Variants in RANBP2 observed in about 807,000 individuals in gnomAD.
The protein encoded by RANBP2 is E3 SUMO-protein ligase RanBP2.
In RANBP2, 57 loss-of-function variants were observed where a neutral mutation model predicts 303.6. The observed-to-expected ratio is 0.19, with a 90% CI of 0.15 to 0.23. The LOEUF is 0.23. Ranked by LOEUF, RANBP2 falls within the 10% of genes least tolerant of loss-of-function variation. The probability of loss-of-function intolerance (pLI) is 1.00; values close to 1 mark genes in which losing one functional copy is unlikely to be tolerated. For synonymous variants in RANBP2, 1,167 were observed against 1,301.5 expected, an observed-to-expected ratio of 0.90 and a Z score of 2.23; for missense variants, 3,138 against 3,780.8, an observed-to-expected ratio of 0.83 and a Z score of 4.46.
the RANBP2 span, among the ~76,000 whole-genome samples, chr2:109,025,282 T>C: frequency 1.3e-4 from 20 of 152,214 alleles, no homozygotes; most frequent in Non-Finnish European, 2.1e-4. Flanking sequence ...CAGTTGATTT[T>C]AGCTTTGTGA....
At chr2:109,510,780 A>C in the RANBP2 span, among the ~76,000 whole-genome samples, 1 of 152,154 alleles carries the variant, frequency 6.6e-6, no homozygotes, top group African/African-American at 2.4e-5. Context: ...GGGTGAGCAG[A>C]GTGGGGCCCA....
chr2:108,948,254 C>A, the RANBP2 span, among the ~76,000 whole-genome samples: 1 of 152,220 alleles, frequency 6.6e-6, no homozygotes, highest in African/African-American at 2.4e-5. Context: ...ACTTCATTGT[C>A]CATATCACTA....
the RANBP2 span, among the ~76,000 whole-genome samples, chr2:109,620,972 A>T: frequency 6.6e-6 from 1 of 152,212 alleles, no homozygotes; most frequent in Non-Finnish European, 1.5e-5. Flanking sequence ...TTGCATGAGC[A>T]CCTGAAAATT....
the RANBP2 span, chr2:109,615,061 C>A: frequency 6.5e-7 from 1 of 1,549,310 alleles, no homozygotes; most frequent in Admixed American, 2.0e-5. Flanking sequence ...AGGGGCAGCT[C>A]CCTTGTGGGG....
the RANBP2 span, among the ~76,000 whole-genome samples, chr2:109,556,439 C>T: frequency 5.9e-5 from 9 of 152,164 alleles, no homozygotes; most frequent in African/African-American, 1.9e-4. Flanking sequence ...TTCAAAGAAA[C>T]GCAGAGTAAG....
the RANBP2 span, among the ~76,000 whole-genome samples, chr2:109,403,020 G>A: frequency 1.8e-4 from 27 of 152,202 alleles, no homozygotes; most frequent in Admixed American, 1.8e-3. Flanking sequence ...GGATGTGGAT[G>A]AGGAAGCCCC....
chr2:109,598,167 A>G, the RANBP2 span, among the ~76,000 whole-genome samples: 1 of 151,868 alleles, frequency 6.6e-6, no homozygotes, highest in Admixed American at 6.6e-5. Flanking sequence ...GGTTCAAGCG[A>G]TTTGTCTGCC....
At chr2:108,953,737 T>C in the RANBP2 span, among the ~76,000 whole-genome samples, 1 of 152,008 alleles carries the variant, frequency 6.6e-6, no homozygotes, top group Non-Finnish European at 1.5e-5. Context: ...CTGGTGGCGA[T>C]GGAAACAATA....
the RANBP2 span, chr2:108,812,548 G>A: frequency 1.0e-6 from 1 of 980,498 alleles, no homozygotes; most frequent in Non-Finnish European, 1.6e-6. Context: ...ATATCAACCA[G>A]ATTAGATAGT....
the RANBP2 span, among the ~76,000 whole-genome samples, chr2:109,117,649 C>T: frequency 3.9e-5 from 6 of 152,350 alleles, no homozygotes; most frequent in South Asian, 2.1e-4. Context: ...CACTGTCCTG[C>T]GCCCACTGTC....
At chr2:109,429,242 A>G in the RANBP2 span, among the ~76,000 whole-genome samples, 1 of 152,218 alleles carries the variant, frequency 6.6e-6, no homozygotes, top group South Asian at 2.1e-4. Context: ...GGCCCACCCA[A>G]CACGAGCCGC....
the RANBP2 span, among the ~76,000 whole-genome samples, chr2:109,459,548 G>T: frequency 6.6e-6 from 1 of 152,092 alleles, no homozygotes; most frequent in Non-Finnish European, 1.5e-5. Flanking sequence ...ACACCCCAAG[G>T]GATCTCCTGT....
At chr2:108,839,935 G>A in the RANBP2 span, among the ~76,000 whole-genome samples, 1 of 151,580 alleles carries the variant, frequency 6.6e-6, no homozygotes, top group Middle Eastern at 3.2e-3. Context: ...AGTCATCCTT[G>A]CCTTGTTTCT....
chr2:109,522,294 CT>C, the RANBP2 span, among the ~76,000 whole-genome samples: 750 of 142,808 alleles, frequency 5.3e-3, no homozygotes, highest in African/African-American at 0.013. Flanking sequence ...AAAAAAAAAC[CT>C]TTTTTTTTTT....
the RANBP2 span, among the ~76,000 whole-genome samples, chr2:109,018,798 G>A: frequency 8.7e-3 from 1,321 of 152,338 alleles, 16 homozygotes; most frequent in East Asian, 0.033. Flanking sequence ...CCTGCTGAGA[G>A]CACGTACAGC....
At chr2:108,788,880 A>G, downstream of RANBP2, 1 of 1,613,966 alleles carries the variant, frequency 6.2e-7, no homozygotes, top group South Asian at 1.1e-5. Context: ...CTGGAGATAA[A>G]GTTGGTTCAT....
chr2:109,370,458 T>C, the RANBP2 span, among the ~76,000 whole-genome samples: 1 of 152,054 alleles, frequency 6.6e-6, no homozygotes, highest in Non-Finnish European at 1.5e-5. Context: ...CAGGCTGGTC[T>C]CAAACTCCTG....
chr2:108,999,993 A>G, the RANBP2 span, among the ~76,000 whole-genome samples: 1 of 152,320 alleles, frequency 6.6e-6, no homozygotes, highest in South Asian at 2.1e-4. Context: ...CCTGCTCTCA[A>G]AGGCCTTCTC....
At chr2:109,519,482 C>T in the RANBP2 span, among the ~76,000 whole-genome samples, 1 of 152,160 alleles carries the variant, frequency 6.6e-6, no homozygotes, top group Non-Finnish European at 1.5e-5. Flanking sequence ...TGTATGTCAT[C>T]CTGTTGTTAA....
Sources: gnomAD v4.1 joint callset for allele counts (sites outside exome capture counted in the v4.1 genomes callset) on GRCh38, gnomAD v4.1.1 for gene constraint, MANE v1.5 for transcripts, NCBI Gene and HGNC (gene_info 2026-07-23, HGNC 2026-07-21) for gene names.